The following RHOBTB1 variants were observed in gnomAD, a reference collection of about 807,000 sequenced individuals.
The protein encoded by RHOBTB1 is rho-related BTB domain-containing protein 1.
RHOBTB1 carries 40 observed loss-of-function variants against 71.6 expected under a neutral mutation model. The observed-to-expected ratio is 0.56, with a 90% CI of 0.43 to 0.73. RHOBTB1 has a LOEUF of 0.73. Ranked by LOEUF, RHOBTB1 falls within the 30% of genes least tolerant of loss-of-function variation. RHOBTB1 has a pLI of 0.00. For synonymous variants in RHOBTB1, 319 were observed against 334.9 expected, an observed-to-expected ratio of 0.95 and a Z score of 0.52; for missense variants, 797 against 894.0, an observed-to-expected ratio of 0.89 and a Z score of 1.38.
At chr10:60,880,771 A>G (rs1050984046) in intron 7 of RHOBTB1, among the ~76,000 whole-genome samples, 1 of 152,216 alleles carries the variant, frequency 6.6e-6, no homozygotes, top group Non-Finnish European at 1.5e-5. Context: ...CATATGAATA[A>G]TTAATTATTC....
intron 4 of RHOBTB1, among the ~76,000 whole-genome samples, chr10:60,902,710 T>C (rs4575214): frequency 0.2 from 30,349 of 152,168 alleles, 3,222 homozygotes; most frequent in African/African-American, 0.28. Context: ...AGCACCAGTA[T>C]TTTCCATCTT....
intron 2 of RHOBTB1, among the ~76,000 whole-genome samples, chr10:60,931,706 T>G (rs1483843532): frequency 1.3e-5 from 2 of 152,100 alleles, no homozygotes; most frequent in Non-Finnish European, 2.9e-5. Context: ...CAAAACTATA[T>G]GTATATATAA....
chr10:60,878,672 C>T (rs982927368), intron 7 of RHOBTB1, among the ~76,000 whole-genome samples: 7 of 152,242 alleles, frequency 4.6e-5, no homozygotes, highest in African/African-American at 9.6e-5. Context: ...CCAAAGGACT[C>T]CTTGCTTGGG....
In RHOBTB1 at chr10:60,886,129, C is replaced by G. The variant is rs752880669; in HGVS notation, c.1558G>C (p.Glu520Gln). Residue 520 changes from glutamate to glutamine, a missense_variant, in exon 7 of 11, where the codon GAA (glutamate) becomes CAA (glutamine). Physicochemically the swap from Glu to Gln is conservative, Grantham distance 29 (BLOSUM62 2). This residue lies in a region of RHOBTB1 where 658 missense variants were observed against 681.5 expected (regional missense o/e 0.97). Coordinates refer to ENST00000337910, the MANE Select transcript of RHOBTB1 (RefSeq NM_014836.5). The part of the protein sequence containing the change: ...MAAMFGGSFV[E>Q]SANSEVYLPN... ...GCACGTACCTCACTGTTGGCACTTT[C>G]CACAAATGACCCCCCGAACATGGCT... The G allele has an allele frequency of 5.0e-6, 8 of 1,613,938 alleles. No individual in the cohort carries two copies. The South Asian group carries it at 7.7e-5, about 16-fold the overall frequency.
intron 2 of RHOBTB1, among the ~76,000 whole-genome samples, chr10:60,959,557 C>T (rs1208946832): frequency 6.6e-6 from 1 of 152,106 alleles, no homozygotes; most frequent in Non-Finnish European, 1.5e-5. Context: ...CTGCTATTGG[C>T]TGAAACAAAA....
chr10:60,860,958 G>A, the RHOBTB1 span, among the ~76,000 whole-genome samples: 1 of 152,044 alleles, frequency 6.6e-6, no homozygotes, highest in Non-Finnish European at 1.5e-5. Context: ...TACTATTTTT[G>A]GCATATAGAA....
chr10:60,990,264 T>C (rs1416808360), intron 1 of RHOBTB1, among the ~76,000 whole-genome samples: 1 of 152,118 alleles, frequency 6.6e-6, no homozygotes, highest in Non-Finnish European at 1.5e-5. Context: ...ATTACAGGCG[T>C]CAGCCACCGT....
At chr10:60,871,982 C>G (rs2080811573) in intron 10 of RHOBTB1, 1 of 634,552 alleles carries the variant, frequency 1.6e-6, no homozygotes, top group African/African-American at 1.8e-5. Context: ...CCACCCAACT[C>G]CCCTCATCAT....
chr10:60,872,888 A>T (rs1381021643), intron 9 of RHOBTB1, among the ~76,000 whole-genome samples: 1 of 151,942 alleles, frequency 6.6e-6, no homozygotes, highest in Non-Finnish European at 1.5e-5. Flanking sequence ...AAAAGACTAG[A>T]TCCTCAAAAA....
At chr10:60,869,416 C>T (rs1211740189), downstream of RHOBTB1, 1 of 152,514 alleles carries the variant, frequency 6.6e-6, no homozygotes, top group Admixed American at 6.6e-5. Context: ...TGATGTCTGT[C>T]CTTAAAACAA....
intron 4 of RHOBTB1, among the ~76,000 whole-genome samples, chr10:60,905,222 G>A (rs897133165): frequency 5.9e-5 from 9 of 151,498 alleles, no homozygotes; most frequent in Non-Finnish European, 8.8e-5. Context: ...AAGCCAAGGC[G>A]GGCAGATCAC....
chr10:60,890,449 GCCCATTTACAA>G (rs553057811), intron 5 of RHOBTB1, among the ~76,000 whole-genome samples: 393 of 152,128 alleles, frequency 2.6e-3, no homozygotes, highest in Middle Eastern at 0.01. Flanking sequence ...GGCACACAAG[GCCCATTTACAA>G]CCTAATCAAA....
chr10:60,872,212 G>A lies in RHOBTB1; in HGVS notation c.1894C>T (p.Arg632Cys), dbSNP rs746517061. The change falls in exon 10 of 11, where the codon CGT becomes TGT. Residue 632 changes from arginine to cysteine, a missense_variant. This residue lies in a region of RHOBTB1 where 658 missense variants were observed against 681.5 expected (regional missense o/e 0.97). Coordinates refer to ENST00000337910, the MANE Select transcript of RHOBTB1 (RefSeq NM_014836.5). ...GCAGATTTTGATTTGATTTCCTTAC[G>A]GAACTTGGAGCATACACTGTTGTAG... ...TNYNSVCSKF[R>C]KEIKSKSADN... The A allele has an allele frequency of 1.2e-5, 20 of 1,613,972 alleles. No homozygotes were observed. The highest frequency in any genetic ancestry group is 2.2e-5 in the East Asian group (1 of 44,874).
At chr10:60,938,990 C>T (rs984756601) in intron 2 of RHOBTB1, among the ~76,000 whole-genome samples, 1 of 152,090 alleles carries the variant, frequency 6.6e-6, no homozygotes. Flanking sequence ...AAGGAAATTT[C>T]TCCACAGAGA....
intron 2 of RHOBTB1, among the ~76,000 whole-genome samples, chr10:60,983,877 A>G (rs74155428): frequency 6.6e-6 from 1 of 152,110 alleles, no homozygotes; most frequent in African/African-American, 2.4e-5. Context: ...TCCATCTCCT[A>G]ATTTCAGTAT....
intron 2 of RHOBTB1, among the ~76,000 whole-genome samples, chr10:60,981,799 C>T (rs545510664): frequency 1.5e-4 from 23 of 151,842 alleles, no homozygotes; most frequent in Admixed American, 1.4e-3. Context: ...CACGGAGTTT[C>T]GCTTTTGTTG....
rs1283071723 is a variant in RHOBTB1 at position 60,986,428 on chromosome 10, TATAAA to T, written c.-162-488_-162-484del. The stretch of plus-strand genomic sequence containing the variant: ...AGATATATATATATATATATATATA[TATAAA>T]ATATATATAGGCCATATATACTGGT... On this transcript the variant is annotated intron_variant, in intron 1 of 11. Coordinates refer to the RHOBTB1 transcript ENST00000357917. Among the ~76,000 whole-genome samples the T allele has an allele frequency of 3.9e-4, 56 of 142,890 alleles. 3 individuals carry two copies. The highest frequency in any genetic ancestry group is 4.4e-4 in the Non-Finnish European group (29 of 66,110). The allele number at this position is 142,890 out of a possible 152,430, so 93.7% of individuals were successfully genotyped here.
intron 2 of RHOBTB1, among the ~76,000 whole-genome samples, chr10:60,923,991 G>A (rs1230427538): frequency 2.0e-5 from 3 of 152,080 alleles, no homozygotes; most frequent in Non-Finnish European, 2.9e-5. Flanking sequence ...GAAGAACTGA[G>A]GAGCGGAGTG....
chr10:60,884,632 A>G (rs758053522), intron 7 of RHOBTB1, among the ~76,000 whole-genome samples: 1 of 152,214 alleles, frequency 6.6e-6, no homozygotes, highest in Non-Finnish European at 1.5e-5. Flanking sequence ...GTACTTATAC[A>G]CAATGGGATA....
Sources: allele counts gnomAD v4.1 joint callset (sites outside exome capture counted in the v4.1 genomes callset), GRCh38; gene constraint gnomAD v4.1.1; regional missense constraint gnomAD v4.1.1; transcripts MANE v1.5; gene names NCBI Gene and HGNC (gene_info 2026-07-23, HGNC 2026-07-21).